The following WWOX variants were observed in gnomAD, a reference collection of about 807,000 sequenced individuals.
The protein encoded by WWOX is WW domain containing oxidoreductase.
In WWOX, 69 loss-of-function variants were observed where a neutral mutation model predicts 46.2. The ratio of observed to expected loss-of-function variants is 1.49; its 90% CI spans 1.23 to 1.82. The LOEUF is 1.82. WWOX is among the 40% of genes most tolerant of loss of function. The pLI, the probability that WWOX is intolerant of heterozygous loss-of-function variation, is 0.00. For synonymous variants in WWOX, 359 were observed against 202.6 expected (o/e 1.77, Z -6.56); for missense variants, 919 against 542.6 (o/e 1.69, Z -6.89).
intron 8 of WWOX, among the ~76,000 whole-genome samples, chr16:78,607,221 T>C (rs1180312209): frequency 2.6e-5 from 4 of 152,164 alleles, no homozygotes; most frequent in Admixed American, 1.3e-4. Flanking sequence ...AAACATTAAT[T>C]ACTTTAATAA....
chr16:78,214,892 T>C (rs1567433369), intron 5 of WWOX, among the ~76,000 whole-genome samples: 2 of 151,988 alleles, frequency 1.3e-5, no homozygotes, highest in African/African-American at 4.8e-5. Context: ...CTAGGGATAC[T>C]ACTTGGTATA....
intron 5 of WWOX, among the ~76,000 whole-genome samples, chr16:78,335,009 C>T (rs2080854977): frequency 6.6e-6 from 1 of 151,856 alleles, no homozygotes; most frequent in Non-Finnish European, 1.5e-5. Flanking sequence ...CCCCAAGTAG[C>T]CCCTGGACCT....
At chr16:78,117,568 G>A (rs1345586882) in intron 4 of WWOX, among the ~76,000 whole-genome samples, 1 of 152,176 alleles carries the variant, frequency 6.6e-6, no homozygotes, top group African/African-American at 2.4e-5. Context: ...GCTTTGCTAA[G>A]TTAGCTTTTA....
rs998590046 is a variant in WWOX at position 78,307,773 on chromosome 16, T to A, written c.517-79087T>A. On this transcript the variant is annotated intron_variant, in intron 5 of 8. Transcript: ENST00000566780. Reference sequence around the variant, plus strand: ...CCACATACTGGACCCTTAATATTCCTTTTCATGGGAGGTTTTGCAGATTGC... The same window carrying A: ...CCACATACTGGACCCTTAATATTCCATTTCATGGGAGGTTTTGCAGATTGC... Among the ~76,000 whole-genome samples the A allele has an allele frequency of 1.5e-4, 20 of 133,574 alleles. 1 individual carries two copies. The highest frequency in any genetic ancestry group is 7.8e-4 in the African/African-American group (20 of 25,668). The allele number at this position is 133,574 out of a possible 152,430, so 87.6% of individuals were successfully genotyped here.
At chr16:79,035,329 G>T (rs1252355348) in intron 8 of WWOX, among the ~76,000 whole-genome samples, 2 of 152,140 alleles carry the variant, frequency 1.3e-5, no homozygotes, top group East Asian at 1.9e-4. Context: ...GCAAATCCAG[G>T]GGAGTTCTAG....
intron 5 of WWOX, among the ~76,000 whole-genome samples, chr16:78,372,524 T>C (rs902094297): frequency 3.3e-5 from 5 of 152,162 alleles, no homozygotes; most frequent in Non-Finnish European, 7.3e-5. Flanking sequence ...AGAGCATTCT[T>C]TATCCAGGTC....
At chr16:78,674,000 C>T (rs969032441) in intron 8 of WWOX, among the ~76,000 whole-genome samples, 2 of 152,094 alleles carry the variant, frequency 1.3e-5, no homozygotes, top group Admixed American at 1.3e-4. Context: ...TTACTAAAAC[C>T]TGCAAGAGAC....
chr16:78,328,976 C>T (rs1432612050), intron 5 of WWOX, among the ~76,000 whole-genome samples: 1 of 152,066 alleles, frequency 6.6e-6, no homozygotes, highest in African/African-American at 2.4e-5. Context: ...ATTCTCCTGC[C>T]TCAGCCTCCC....
chr16:79,083,447 C>T (rs946375004), intron 8 of WWOX, among the ~76,000 whole-genome samples: 1 of 152,106 alleles, frequency 6.6e-6, no homozygotes, highest in Non-Finnish European at 1.5e-5. Flanking sequence ...AAGAACAAAG[C>T]TGTGTAAAGT....
chr16:78,417,006 G>C (rs762442079), intron 6 of WWOX, among the ~76,000 whole-genome samples: 1 of 148,688 alleles, frequency 6.7e-6, no homozygotes, highest in Admixed American at 6.6e-5. Context: ...AGAAGGTATT[G>C]TGCAGTAGCC....
intron 8 of WWOX, among the ~76,000 whole-genome samples, chr16:78,842,484 A>C (rs1258005200): frequency 6.8e-6 from 1 of 146,352 alleles, no homozygotes; most frequent in African/African-American, 2.5e-5. Context: ...ACCTGGGTGA[A>C]AAAGTGACAC....
rs533350010 is a variant in WWOX, at chr16:78,745,915, C to G, written c.1056+313163C>G. 3.3e-5 allele frequency among the ~76,000 whole-genome samples: 5 copies of G among 151,976 alleles called. No homozygotes were observed. The South Asian group carries it at 1.0e-3, about 32-fold the overall frequency. On this transcript the variant is annotated intron_variant, in intron 8 of 8. Transcript: ENST00000566780. ...GAACGTGTGCATGCCAGAAACCTGC[C>G]AAGGAAAACACTCCCGCTGCTCCTT...
chr16:78,823,266 C>T (rs538629712), intron 8 of WWOX, among the ~76,000 whole-genome samples: 1 of 152,212 alleles, frequency 6.6e-6, no homozygotes, highest in Non-Finnish European at 1.5e-5. Context: ...TGTTTGCATT[C>T]TGCAGCTGGG....
At chr16:78,161,410 C>G (rs1289382337) in intron 4 of WWOX, among the ~76,000 whole-genome samples, 1 of 148,004 alleles carries the variant, frequency 6.8e-6, no homozygotes, top group African/African-American at 2.5e-5. Flanking sequence ...TTCCTTTTTC[C>G]TTTCTCTCTC....
At chr16:78,899,370 T>C (rs569399402) in intron 8 of WWOX, 3 of 152,356 alleles carry the variant, frequency 2.0e-5, no homozygotes, top group African/African-American at 7.2e-5. Flanking sequence ...TCCGGAAACC[T>C]AACTCCAAAT....
intron 6 of WWOX, among the ~76,000 whole-genome samples, chr16:78,419,984 T>C (rs1372310796): frequency 1.3e-5 from 2 of 152,234 alleles, no homozygotes; most frequent in East Asian, 1.9e-4. Context: ...TAAATAGATA[T>C]TCCTCCAAAT....
intron 8 of WWOX, among the ~76,000 whole-genome samples, chr16:79,071,707 G>A (rs1013962034): frequency 1.3e-5 from 2 of 152,208 alleles, no homozygotes; most frequent in Admixed American, 6.5e-5. Flanking sequence ...CGTTGTAAAC[G>A]TAGCTTTTTA....
chr16:79,114,435 T>G (rs2049474048), intron 8 of WWOX, among the ~76,000 whole-genome samples: 1 of 151,188 alleles, frequency 6.6e-6, no homozygotes, highest in African/African-American at 2.4e-5. Flanking sequence ...CATACCTACA[T>G]GCACACACGT....
intron 8 of WWOX, among the ~76,000 whole-genome samples, chr16:78,590,212 C>T (rs898179466): frequency 3.3e-5 from 5 of 151,802 alleles, no homozygotes; most frequent in African/African-American, 9.7e-5. Flanking sequence ...ATTTATTTCT[C>T]GTGGTTCTAG....
Sources: allele counts gnomAD v4.1 joint callset (sites outside exome capture counted in the v4.1 genomes callset), GRCh38; gene constraint gnomAD v4.1.1; transcripts MANE v1.5; gene names NCBI Gene and HGNC (gene_info 2026-07-23, HGNC 2026-07-21).